Variants in GPT observed in about 807,000 individuals in gnomAD.
GPT encodes alanine aminotransferase 1.
Under a neutral mutation model 51.4 loss-of-function variants are expected in GPT, and 60 were observed. The ratio of observed to expected loss-of-function variants is 1.17; its 90% confidence interval spans 0.95 to 1.45. The LOEUF (loss-of-function observed/expected upper bound fraction) is 1.45. Ranked by LOEUF, GPT falls within the 40% of genes most tolerant of loss-of-function variation. The pLI is 0.00. For missense variants in GPT, 853 were observed against 704.0 expected (o/e 1.21, Z -2.40); for synonymous variants, 397 against 303.1 (o/e 1.31, Z -3.22).
At chr8:144,504,929 AG>A (rs760808298) in intron 3 of GPT, 50 bp downstream of exon 3, 3 of 1,612,792 alleles carry the variant, frequency 1.9e-6, no homozygotes, top group Non-Finnish European at 2.5e-6. Context: ...CCACTGGAGG[AG>A]GGAAGTCCCT....
At position 144,506,742 on chromosome 8, in the gene GPT, G is replaced by A. The variant is rs374357547; in HGVS notation, c.1299G>A (p.Leu433=). The A allele has an allele frequency of 4.3e-6, 7 of 1,611,462 alleles. No individual in the cohort carries two copies. Among genetic ancestry groups the A allele is most frequent in the Non-Finnish European group, 5.9e-6 (7 of 1,179,818 alleles). Residue 433 remains leucine, a synonymous_variant, in exon 10 of 11, where the codon CTG becomes CTA. Transcript: ENST00000394955. The surrounding 1 kb of genome is among the most constrained non-coding windows in gnomAD (Gnocchi z 7.0). ...CTCTCCGTCCACAGGAGCTGGGCCT[G>A]GCCCCCGATATGTTCTTCTGCCTGC... ...RAVERAQELG[L]APDMFFCLRL...
Position 144,505,329 on chromosome 8 carries a change from G to T in GPT, c.579G>T (p.Ser193=). 6.4e-7 allele frequency: 1 copy of T among 1,569,218 alleles called. No individual in the cohort carries two copies. Among genetic ancestry groups the T allele is most frequent in the Middle Eastern group, 1.7e-4 (1 of 6,008 alleles). ...LIPIPQYPLY[S]ATLAELGAVQ... ...CCATCCCCCAGTACCCACTCTACTC[G>T]GCCACGCTGGCAGAGCTGGGCGCAG... The change falls in exon 5 of 11, where the codon TCG becomes TCT. Residue 193 remains serine (S), a synonymous_variant. Coordinates refer to ENST00000394955, the MANE Select transcript of GPT (RefSeq NM_005309.3).
rs1826788287 is a variant in GPT at position 144,506,126 on chromosome 8, G to A, written c.951G>A (p.Met317Ile). 2 of 1,611,896 alleles carry A rather than the reference G, an allele frequency of 1.2e-6. No homozygotes were observed. The highest frequency in any genetic ancestry group is 8.5e-7 in the Non-Finnish European group (1 of 1,179,368). Residue 317 changes from methionine (M) to isoleucine (I), a missense_variant, in exon 7 of 11, where the codon ATG becomes ATA. By Grantham distance (10) the Met-to-Ile change is conservative. Transcript: ENST00000394955. This position sits in a 1 kb window ranked among gnomAD's most constrained non-coding sequence, Gnocchi z 7.0. ...ASFHSTSKGYMGECGFRGGYV... is the reference protein window; with the variant it reads ...ASFHSTSKGYIGECGFRGGYV... ...TCCACTCCACCTCCAAGGGCTACATGGGCGAGTGCGTGCGTACGAGGCGGG... is the reference window on the plus strand; with the variant it reads ...TCCACTCCACCTCCAAGGGCTACATAGGCGAGTGCGTGCGTACGAGGCGGG...
chr8:144,504,452 C>A lies in GPT; in HGVS notation c.148C>A (p.Gln50Lys). Residue 50 changes from glutamine (Q) to lysine (K), a missense_variant, in exon 1 of 11, where the codon CAG becomes AAG. Physicochemically the swap from Gln to Lys is moderately conservative, Grantham distance 53. Coordinates refer to ENST00000394955, the MANE Select transcript of GPT (RefSeq NM_005309.3). ...AGTGCAGCGAGCCTTGGAGCTGGAG[C>A]AGGAGCTGCGCCAGGTATGGCCCAG... ...PIVQRALELE[Q>K]ELRQGVKKPF... 1 of 1,609,996 alleles carries A rather than the reference C, an allele frequency of 6.2e-7. No homozygotes were observed. The highest frequency in any genetic ancestry group is 8.5e-7 in the Non-Finnish European group (1 of 1,179,726).
In GPT at chr8:144,504,426, T is replaced by G. The variant is rs1195460718; in HGVS notation, c.122T>G (p.Ile41Arg). The change falls in exon 1 of 11, where the codon ATA (isoleucine) becomes AGA (arginine). Residue 41 changes from isoleucine (I) to arginine (R), a missense_variant. Ile to Arg is a moderately conservative substitution (Grantham distance 97). Transcript: ENST00000394955. ...RRVEYAVRGP[I>R]VQRALELEQE... ...GTGGAGTACGCAGTGCGTGGCCCCA[T>G]AGTGCAGCGAGCCTTGGAGCTGGAG... 1 of 1,611,122 alleles carries G rather than the reference T, an allele frequency of 6.2e-7. No homozygotes were observed. The highest frequency in any genetic ancestry group is 1.3e-5 in the African/African-American group (1 of 75,044).
chr8:144,504,434 C>T lies in GPT; in HGVS notation c.130C>T (p.Arg44Ter), dbSNP rs544522423. 2.7e-5 allele frequency: 44 copies of T among 1,610,766 alleles called. No individual in the cohort carries two copies. The highest frequency in any genetic ancestry group is 2.4e-4 in the South Asian group (22 of 91,056). The change falls in exon 1 of 11, where the codon CGA (arginine) becomes TGA (stop). Residue 44 changes from arginine (R) to a stop codon, truncating the protein, a stop_gained. Transcript: ENST00000394955. LOFTEE classifies it high-confidence loss of function. ...CGCAGTGCGTGGCCCCATAGTGCAG[C>T]GAGCCTTGGAGCTGGAGCAGGAGCT... is the stretch of plus-strand genomic sequence containing the variant. The part of the protein sequence containing the change: ...EYAVRGPIVQ[R>*]ALELEQELRQ...
rs1315202424 is a variant in GPT, at chr8:144,506,094, G to A, written c.919G>A (p.Ala307Thr). The change falls in exon 7 of 11, where the codon GCC becomes ACC. Residue 307 changes from alanine (A) to threonine (T), a missense_variant. Transcript: ENST00000394955. This position sits in a 1 kb window ranked among gnomAD's most constrained non-coding sequence, Gnocchi z 7.0. ...GPPYAGQQEL[A>T]SFHSTSKGYM... is the part of the protein sequence containing the mutation. ...GCCCTACGCCGGGCAGCAGGAGCTTGCCTCCTTCCACTCCACCTCCAAGGG... is the reference window on the plus strand; with the variant it reads ...GCCCTACGCCGGGCAGCAGGAGCTTACCTCCTTCCACTCCACCTCCAAGGG... 1.2e-6 allele frequency: 2 copies of A among 1,612,332 alleles called. No homozygotes were observed. The highest frequency in any genetic ancestry group is 1.6e-4 in the Middle Eastern group (1 of 6,062).
rs753411777 is a variant in GPT at position 144,505,279 on chromosome 8, C to T, written c.529C>T (p.His177Tyr). 2.5e-6 allele frequency: 4 copies of T among 1,586,718 alleles called. No individual in the cohort carries two copies. Among genetic ancestry groups the T allele is most frequent in the Non-Finnish European group, 3.4e-6 (4 of 1,167,168 alleles). The change falls in exon 5 of 11, where the codon CAC (histidine) becomes TAC (tyrosine). Residue 177 changes from histidine (H) to tyrosine (Y), a missense_variant. Coordinates refer to ENST00000394955, the MANE Select transcript of GPT (RefSeq NM_005309.3). Reference protein sequence around the residue: ...VLKLLVAGEGHTRTGVLIPIP... With the variant: ...VLKLLVAGEGYTRTGVLIPIP... ...GAAGCTGCTGGTGGCCGGCGAGGGC[C>T]ACACACGCACGGGTGTGCTCATCCC...
At position 144,504,469 on chromosome 8, in the gene GPT, A is replaced by G. The variant is rs368334766; in HGVS notation, c.162+3A>G. 1.9e-6 allele frequency: 3 copies of G among 1,609,300 alleles called. No homozygotes were observed. The highest frequency in any genetic ancestry group is 2.5e-6 in the Non-Finnish European group (3 of 1,179,418). On this transcript the variant is annotated splice_donor_region_variant and intron_variant, in intron 1 of 10. Transcript: ENST00000394955. The stretch of plus-strand genomic sequence containing the variant: ...AGCTGGAGCAGGAGCTGCGCCAGGT[A>G]TGGCCCAGGGCCCCTCGCTGCCCTC...
Position 144,506,482 on chromosome 8 carries a change from C to A in GPT, c.1132-19C>A, listed in dbSNP as rs1001681116. ...TGCCGAGTGCCGTGCCCTGATGGGC[C>A]CTCCCTCCGCGGCCACAGGAGAAGC... On this transcript the variant is annotated intron_variant, in intron 8 of 10. Transcript: ENST00000394955. The surrounding 1 kb of genome is among the most constrained non-coding windows in gnomAD (Gnocchi z 7.0). 8 of 1,589,672 alleles carry A rather than the reference C, an allele frequency of 5.0e-6. No individual in the cohort carries two copies. The highest frequency in any genetic ancestry group is 1.1e-5 in the South Asian group (1 of 87,424).
At position 144,506,446 on chromosome 8, in the gene GPT, G is replaced by T. The variant is rs1302032097; in HGVS notation, c.1131+40G>T. 6.4e-7 allele frequency: 1 copy of T among 1,569,632 alleles called. No homozygotes were observed. Reference sequence around the variant, plus strand: ...GGAGGGGGTCCAGGTGACCTAATCAGGGGTGGGGGATGCCGAGTGCCGTGC... The same window carrying T: ...GGAGGGGGTCCAGGTGACCTAATCATGGGTGGGGGATGCCGAGTGCCGTGC... On this transcript the variant is annotated intron_variant, in intron 8 of 10. Coordinates refer to ENST00000394955, the MANE Select transcript of GPT (RefSeq NM_005309.3). This position sits in a 1 kb window ranked among gnomAD's most constrained non-coding sequence, Gnocchi z 7.0.
Position 144,507,096 on chromosome 8 carries a change from C to CGGGG in GPT, c.*97_*100dup, listed in dbSNP as rs1554893523. 8.4e-5 allele frequency: 10 copies of CGGGG among 118,704 alleles called. No homozygotes were observed. Among genetic ancestry groups the CGGGG allele is most frequent in the East Asian group, 3.5e-4 (1 of 2,830 alleles). 7.4% of individuals were successfully genotyped at this position (118,704 alleles called of 1,614,324 possible). Reference sequence around the variant, plus strand: ...CACTGTACTTGCTCTTGATGCCTGGCGGGGTGGGGTGGGGGGGGTGCTGGG... The same window carrying CGGGG: ...CACTGTACTTGCTCTTGATGCCTGGCGGGGGGGGTGGGGTGGGGGGGGTGCTGGG... On this transcript the variant is annotated 3_prime_UTR_variant, in exon 11 of 11. Coordinates refer to ENST00000394955, the MANE Select transcript of GPT (RefSeq NM_005309.3).
rs372280992 is a variant in GPT, at chr8:144,506,587, C to T, written c.1218C>T (p.Asn406=). The change falls in exon 9 of 11, where the codon AAC becomes AAT. Residue 406 remains asparagine, a synonymous_variant. Transcript: ENST00000394955. This position sits in a 1 kb window ranked among gnomAD's most constrained non-coding sequence, Gnocchi z 7.0. ...VFNEAPGISC[N]PVQGAMYSFP... ...ATGAGGCTCCTGGCATCAGCTGCAA[C>T]CCAGTGCAGGGCGCCATGTACTCCT... The T allele has an allele frequency of 2.0e-5, 32 of 1,573,306 alleles. No individual in the cohort carries two copies. The African/African-American group carries it at 4.0e-4, about 20-fold the overall frequency.
In GPT at chr8:144,504,808, GC is replaced by G. The variant is rs764071887; in HGVS notation, c.294del (p.Asn99ThrfsTer33). The G allele has an allele frequency of 6.2e-7, 1 of 1,613,694 alleles. No individual in the cohort carries two copies. The highest frequency in any genetic ancestry group is 2.2e-5 in the East Asian group (1 of 44,894). On this transcript the variant is annotated frameshift_variant, in exon 3 of 11. Transcript: ENST00000394955. LOFTEE classifies it high-confidence loss of function. ...ALCVNPDLLS[S>X]PNFPDDAKKR... ...TGTGTTAACCCTGATCTTCTGAGCA[GC>G]CCCAACTTCCCTGACGATGCCAAGA...
chr8:144,506,424 G>T lies in GPT; in HGVS notation c.1131+18G>T. 1 of 1,561,820 alleles carries T rather than the reference G, an allele frequency of 6.4e-7. No individual in the cohort carries two copies. Among genetic ancestry groups the T allele is most frequent in the East Asian group, 2.4e-5 (1 of 42,384 alleles). On this transcript the variant is annotated intron_variant, in intron 8 of 10. Coordinates refer to ENST00000394955, the MANE Select transcript of GPT (RefSeq NM_005309.3). The surrounding 1 kb of genome is among the most constrained non-coding windows in gnomAD (Gnocchi z 7.0). ...TCCAGGCTGTGAGTTGGGGGCAGGA[G>T]GGGGTCCAGGTGACCTAATCAGGGG...
rs533144476 is a variant in GPT at position 144,504,221 on chromosome 8, A to C, written c.-84A>C. ...GGCTGCCCCCTCCCAGCCCTGGCCC[A>C]CTAAGCCAGACCCAGCTGTCGCCAT... On this transcript the variant is annotated 5_prime_UTR_variant, in exon 1 of 11. Transcript: ENST00000394955. The C allele has an allele frequency of 6.7e-7, 1 of 1,481,836 alleles. No homozygotes were observed. The highest frequency in any genetic ancestry group is 9.2e-7 in the Non-Finnish European group (1 of 1,090,492). 91.8% of individuals were successfully genotyped at this position (1,481,836 alleles called of 1,614,324 possible).
chr8:144,504,517 G>A, intron 1 of GPT, 51 bp downstream of exon 1: 1 of 1,608,914 alleles, frequency 6.2e-7, no homozygotes, highest in South Asian at 1.1e-5. Context: ...GGGTGGCCGA[G>A]TTGGCCCCAG....
chr8:144,505,866 A>T lies in GPT; in HGVS notation c.758A>T (p.Glu253Val). 6.4e-7 allele frequency: 1 copy of T among 1,557,776 alleles called. No individual in the cohort carries two copies. Among genetic ancestry groups the T allele is most frequent in the Non-Finnish European group, 8.7e-7 (1 of 1,152,116 alleles). Residue 253 changes from glutamate to valine, a missense_variant, in exon 6 of 11, where the codon GAG becomes GTG. By Grantham distance (121) the Glu-to-Val change is moderately radical. Transcript: ENST00000394955. ...ACCCCAGGGCAGGTGCAGACCCGCG[A>T]GTGCATCGAGGCCGTGATCCGCTTC... ...GNPTGQVQTRECIEAVIRFAF... is the reference protein window; with the variant it reads ...GNPTGQVQTRVCIEAVIRFAF...
intron 1 of GPT, 60 bp downstream of exon 1, chr8:144,504,526 A>G: frequency 6.2e-7 from 1 of 1,608,644 alleles, no homozygotes; most frequent in Non-Finnish European, 8.5e-7. Context: ...AGTTGGCCCC[A>G]GCCCCACTGG....
Sources: allele counts gnomAD v4.1 joint callset, GRCh38; gene constraint gnomAD v4.1.1; non-coding constraint Gnocchi (gnomAD v3.1); transcripts MANE v1.5; gene names NCBI Gene and HGNC (gene_info 2026-07-23, HGNC 2026-07-21).